The following STK17A variants were observed in gnomAD, a reference collection of about 807,000 sequenced individuals.
STK17A encodes serine/threonine kinase 17a, also known as serine/threonine-protein kinase 17A.
A neutral mutation model predicts 43.7 loss-of-function variants in STK17A; 26 were observed. The observed-to-expected ratio is 0.60, with a 90% CI of 0.44 to 0.83. The LOEUF (loss-of-function observed/expected upper bound fraction) is 0.83. STK17A is among the 40% of genes least tolerant of loss of function. The pLI, the probability that STK17A is intolerant of heterozygous loss-of-function variation, is 0.00. For missense variants in STK17A, 476 were observed against 511.6 expected (o/e 0.93, Z 0.67); for synonymous variants, 191 against 182.5 (o/e 1.05, Z -0.38).
chr7:43,585,715 C>T (rs976496500), intron 1 of STK17A, among the ~76,000 whole-genome samples: 1 of 151,482 alleles, frequency 6.6e-6, no homozygotes, highest in African/African-American at 2.4e-5. Flanking sequence ...AGTGCATTAC[C>T]TAACCGTTTA....
At position 43,600,101 on chromosome 7, in the gene STK17A, C is replaced by T. The variant is rs377010861; in HGVS notation, c.419+3988C>T. On this transcript the variant is annotated intron_variant, in intron 2 of 6. Coordinates refer to ENST00000319357, the MANE Select transcript of STK17A (RefSeq NM_004760.3). ...ACGGACACGCCCAAAATAATACTTT[C>T]CCAAATTTCTAGGTATTCTTTAATC... 8.0e-4 allele frequency among the ~76,000 whole-genome samples: 122 copies of T among 152,318 alleles called. 1 individual carries two copies. The East Asian group carries it at 9.1e-3, about 11-fold the overall frequency.
chr7:43,583,672 A>T (rs2082418251), intron 1 of STK17A, among the ~76,000 whole-genome samples: 1 of 152,008 alleles, frequency 6.6e-6, no homozygotes, highest in Non-Finnish European at 1.5e-5. Flanking sequence ...AGTGGTGGTA[A>T]CTCGATGGCG....
chr7:43,622,144 C>G (rs929974451), intron 4 of STK17A: 22 of 152,204 alleles, frequency 1.4e-4, no homozygotes, highest in African/African-American at 5.1e-4. Flanking sequence ...ATTTCCTGTA[C>G]CCTTCCTCCC....
chr7:43,623,595 C>A lies in STK17A; in HGVS notation c.715C>A (p.Pro239Thr). Residue 239 changes from proline (P) to threonine (T), a missense_variant, in exon 5 of 7, where the codon CCT (proline) becomes ACT (threonine). This residue lies in a region of STK17A where 320 missense variants were observed against 326.3 expected (regional missense o/e 0.98). Coordinates refer to ENST00000319357, the MANE Select transcript of STK17A (RefSeq NM_004760.3). ...YVAPEILSYDPISMATDMWSI... is the reference protein window; with the variant it reads ...YVAPEILSYDTISMATDMWSI... Reference sequence around the variant, plus strand: ...AGCTCCTGAAATTCTTAGTTATGATCCTATAAGCATGGCAACAGATATGTG... The same window carrying A: ...AGCTCCTGAAATTCTTAGTTATGATACTATAAGCATGGCAACAGATATGTG... 1 of 1,610,308 alleles carries A rather than the reference C, an allele frequency of 6.2e-7. No homozygotes were observed. The highest frequency in any genetic ancestry group is 1.1e-5 in the South Asian group (1 of 90,040).
chr7:43,613,254 CA>C (rs985866384), intron 3 of STK17A, among the ~76,000 whole-genome samples: 49 of 152,194 alleles, frequency 3.2e-4, no homozygotes, highest in African/African-American at 1.0e-3. Flanking sequence ...CACAAAGTTC[CA>C]AAAAGCTAAA....
chr7:43,613,349 C>T (rs2083052816), intron 3 of STK17A, among the ~76,000 whole-genome samples: 1 of 152,076 alleles, frequency 6.6e-6, no homozygotes, highest in African/African-American at 2.4e-5. Context: ...TTCTGAGTAA[C>T]CTAGAGATGA....
At chr7:43,617,217 G>A (rs1563160224) in intron 3 of STK17A, among the ~76,000 whole-genome samples, 1 of 152,148 alleles carries the variant, frequency 6.6e-6, no homozygotes, top group Non-Finnish European at 1.5e-5. Context: ...CACACCATGC[G>A]AAGGAGTTTG....
intron 3 of STK17A, among the ~76,000 whole-genome samples, chr7:43,610,346 C>CA (rs138859141): frequency 0.18 from 7,310 of 41,064 alleles, 1,083 homozygotes; most frequent in East Asian, 0.42. Flanking sequence ...GACTCCGTCT[C>CA]AAAAAAAAAA....
In STK17A at chr7:43,624,669, A is replaced by C. The variant is rs143807634; in HGVS notation, c.1072A>C (p.Lys358Gln). ...GCCTGAAATTAATTCGGATACCGACAAATCAGAAACCAAGGAATCCATTGT... is the reference window on the plus strand; with the variant it reads ...GCCTGAAATTAATTCGGATACCGACCAATCAGAAACCAAGGAATCCATTGT... ...SVPEINSDTDKSETKESIVTE... is the reference protein window; with the variant it reads ...SVPEINSDTDQSETKESIVTE... Residue 358 changes from lysine to glutamine, a missense_variant, in exon 7 of 7, where the codon AAA (lysine) becomes CAA (glutamine). Lys to Gln is a moderately conservative substitution (Grantham distance 53, BLOSUM62 1). Coordinates refer to ENST00000319357, the MANE Select transcript of STK17A (RefSeq NM_004760.3). 4 of 1,614,034 alleles carry C rather than the reference A, an allele frequency of 2.5e-6. No homozygotes were observed. The African/African-American group carries it at 5.3e-5, about 22-fold the overall frequency.
At chr7:43,616,851 C>T (rs980888248) in intron 3 of STK17A, among the ~76,000 whole-genome samples, 1 of 152,062 alleles carries the variant, frequency 6.6e-6, no homozygotes, top group Non-Finnish European at 1.5e-5. Context: ...AAGCCGAGAT[C>T]GCGCCACTGC....
chr7:43,624,756 G>C lies in STK17A; in HGVS notation c.1159G>C (p.Glu387Gln), dbSNP rs1476159862. The change falls in exon 7 of 7, where the codon GAG becomes CAG. Residue 387 changes from glutamate (E) to glutamine (Q), a missense_variant. By Grantham distance (29) the Glu-to-Gln change is conservative. This residue lies in a region of STK17A where 110 missense variants were observed against 103.7 expected (regional missense o/e 1.06). Transcript: ENST00000319357. ...TLGQCRQSEK[E>Q]KMEQKAISKR... ...AGGACAATGCAGACAGTCTGAAAAA[G>C]AGAAAATGGAGCAAAAGGCCATTTC... 2.5e-6 allele frequency: 4 copies of C among 1,613,516 alleles called. No homozygotes were observed. The highest frequency in any genetic ancestry group is 3.4e-6 in the Non-Finnish European group (4 of 1,179,664).
chr7:43,591,163 G>GAAGA (rs1370984919), intron 1 of STK17A, among the ~76,000 whole-genome samples: 2 of 151,518 alleles, frequency 1.3e-5, no homozygotes, highest in East Asian at 3.8e-4. Context: ...TAGAATGATG[G>GAAGA]AAGAGTTTTA....
chr7:43,623,262 G>C (rs575030292), intron 4 of STK17A: 2 of 253,452 alleles, frequency 7.9e-6, no homozygotes, highest in African/African-American at 4.6e-5. Flanking sequence ...TAAAAGCCAT[G>C]ATCTGATAGA....
chr7:43,607,515 G>A (rs1025957745), intron 2 of STK17A, among the ~76,000 whole-genome samples: 1 of 151,878 alleles, frequency 6.6e-6, no homozygotes, highest in Non-Finnish European at 1.5e-5. Context: ...CGGGCGTGGT[G>A]GCCCACGCCT....
Position 43,619,459 on chromosome 7 carries a change from A to G in STK17A, c.565-138A>G, listed in dbSNP as rs2083649166. The G allele has an allele frequency of 4.4e-6, 5 of 1,145,666 alleles. No homozygotes were observed. The Admixed American group carries it at 9.3e-5, about 21-fold the overall frequency. The allele number at this position is 1,145,666 out of a possible 1,614,324, so 71.0% of individuals were successfully genotyped here. ...TATACATAGGCAATAAATTGTAAAA[A>G]TATTTCTTTAACAAATGACTGTTTA... On this transcript the variant is annotated intron_variant, in intron 3 of 6. Transcript: ENST00000319357.
chr7:43,623,490 A>G (rs2084136222), intron 4 of STK17A, 82 bp from the exon 5 acceptor site: 1 of 1,178,878 alleles, frequency 8.5e-7, no homozygotes, highest in South Asian at 1.3e-5. Flanking sequence ...TATAGTTTCT[A>G]ATGCTTAGTT....
At chr7:43,583,545 G>A (rs1047561559) in intron 1 of STK17A, 96 bp downstream of exon 1, 22 of 1,064,942 alleles carry the variant, frequency 2.1e-5, no homozygotes, top group Non-Finnish European at 2.4e-5. Context: ...CGAGGCTGAA[G>A]TGGCGTTGCT....
At chr7:43,623,361 ATGG>A in intron 4 of STK17A, 1 of 527,900 alleles carries the variant, frequency 1.9e-6, no homozygotes, top group South Asian at 2.6e-5. Flanking sequence ...GGACTCAACA[ATGG>A]TGGGTAGAAG....
chr7:43,617,867 G>A (rs2083487928), intron 3 of STK17A, among the ~76,000 whole-genome samples: 1 of 152,152 alleles, frequency 6.6e-6, no homozygotes, highest in Non-Finnish European at 1.5e-5. Flanking sequence ...CAGAGGAGAT[G>A]GAAGACACAG....
Sources: allele counts gnomAD v4.1 joint callset (sites outside exome capture counted in the v4.1 genomes callset), GRCh38; gene constraint gnomAD v4.1.1; regional missense constraint gnomAD v4.1.1; transcripts MANE v1.5; gene names NCBI Gene and HGNC (gene_info 2026-07-23, HGNC 2026-07-21).